Variants in RBFOX1 observed in about 807,000 individuals in gnomAD.
RBFOX1 encodes the protein RNA binding fox-1 homolog 1, also known as RNA binding protein fox-1 homolog 1.
Under a neutral mutation model 57.7 loss-of-function variants are expected in RBFOX1, and 8 were observed. The observed-to-expected ratio is 0.14, with a 90% confidence interval of 0.08 to 0.25. The LOEUF (loss-of-function observed/expected upper bound fraction) is 0.25. Among genes scored for constraint, RBFOX1 ranks in the 10% least tolerant of loss-of-function variants. The probability of loss-of-function intolerance (pLI) is 1.00; values close to 1 mark genes in which losing one functional copy is unlikely to be tolerated. For missense variants in RBFOX1, 611 were observed against 548.5 expected, an observed-to-expected ratio of 1.11 and a Z score of -1.14; for synonymous variants, 326 against 222.4, an observed-to-expected ratio of 1.47 and a Z score of -4.15.
At chr16:6,375,228 A>C (rs2091009080) in intron 2 of RBFOX1, among the ~76,000 whole-genome samples, 1 of 152,126 alleles carries the variant, frequency 6.6e-6, no homozygotes. Context: ...TGGCTTTCAT[A>C]GGGAATTCTC....
chr16:7,211,621 G>A (rs1012465933), intron 4 of RBFOX1, among the ~76,000 whole-genome samples: 1 of 152,132 alleles, frequency 6.6e-6, no homozygotes, highest in Non-Finnish European at 1.5e-5. Context: ...GGCACACCTA[G>A]TAAGCAAGGG....
intron 4 of RBFOX1, among the ~76,000 whole-genome samples, chr16:7,373,672 T>G (rs1485442649): frequency 6.6e-6 from 1 of 151,840 alleles, no homozygotes; most frequent in Non-Finnish European, 1.5e-5. Flanking sequence ...GTCTGACCTG[T>G]GTTGGCAGCA....
intron 2 of RBFOX1, among the ~76,000 whole-genome samples, chr16:6,618,124 G>A (rs1458323579): frequency 4.6e-5 from 7 of 152,178 alleles, no homozygotes; most frequent in African/African-American, 7.2e-5. Context: ...TATCCTAACC[G>A]TCAGTGCTCC....
chr16:6,568,270 G>A (rs981218626), intron 2 of RBFOX1, among the ~76,000 whole-genome samples: 2 of 152,100 alleles, frequency 1.3e-5, no homozygotes, highest in Admixed American at 6.6e-5. Context: ...CATCAGCTGG[G>A]GCAGCCGTCA....
At position 6,234,861 on chromosome 16, in the gene RBFOX1, A is replaced by G. The variant is rs562456648; in HGVS notation, c.-126-82134A>G. 2.0e-5 allele frequency among the ~76,000 whole-genome samples: 3 copies of G among 152,272 alleles called. 1 individual carries two copies. The South Asian group carries it at 6.2e-4, about 32-fold the overall frequency. On this transcript the variant is annotated intron_variant, in intron 1 of 15. Transcript: ENST00000550418. ...GGCACACATGCAGTGAAATGTGAAC[A>G]AGGTCTGTAGATTGCACTAGTATCG...
intron 3 of RBFOX1, among the ~76,000 whole-genome samples, chr16:5,653,817 C>G (rs1279909976): frequency 6.6e-6 from 1 of 152,186 alleles, no homozygotes; most frequent in Non-Finnish European, 1.5e-5. Context: ...TATGTGCCCT[C>G]TTAGAATGGA....
chr16:7,121,327 T>G (rs995033523), intron 4 of RBFOX1, among the ~76,000 whole-genome samples: 11 of 152,080 alleles, frequency 7.2e-5, no homozygotes, highest in Non-Finnish European at 1.3e-4. Flanking sequence ...AAGGGCATCT[T>G]TAATCACAGA....
chr16:6,299,402 G>C (rs555323527), intron 1 of RBFOX1, among the ~76,000 whole-genome samples: 1 of 152,296 alleles, frequency 6.6e-6, no homozygotes, highest in Admixed American at 6.5e-5. Context: ...GTTTTGAGAT[G>C]AGTGGCAGTA....
intron 3 of RBFOX1, among the ~76,000 whole-genome samples, chr16:5,757,588 G>A (rs1285516269): frequency 2.6e-5 from 4 of 152,110 alleles, no homozygotes; most frequent in Non-Finnish European, 5.9e-5. Flanking sequence ...CTGATAGGGT[G>A]TTGGTTATAA....
chr16:5,404,899 T>C (rs1300341171), intron 1 of RBFOX1, among the ~76,000 whole-genome samples: 1 of 152,240 alleles, frequency 6.6e-6, no homozygotes, highest in African/African-American at 2.4e-5. Flanking sequence ...CAGCTTGGTC[T>C]TCAGGATCAG....
intron 1 of RBFOX1, among the ~76,000 whole-genome samples, chr16:6,049,134 C>A (rs2095525821): frequency 6.7e-6 from 1 of 148,224 alleles, no homozygotes; most frequent in African/African-American, 2.5e-5. Flanking sequence ...ATGATCTCAG[C>A]TCACTGCAAC....
At chr16:6,543,015 C>A (rs1342565856) in intron 2 of RBFOX1, among the ~76,000 whole-genome samples, 1 of 152,106 alleles carries the variant, frequency 6.6e-6, no homozygotes, top group Non-Finnish European at 1.5e-5. Context: ...TCTCACTCTC[C>A]CTCCCCAGGG....
chr16:7,372,398 A>G (rs1310769790), intron 4 of RBFOX1, among the ~76,000 whole-genome samples: 5 of 152,216 alleles, frequency 3.3e-5, no homozygotes, highest in African/African-American at 9.6e-5. Context: ...TGGTAATAGG[A>G]TTTTGCTTGA....
chr16:6,259,274 C>A lies in RBFOX1; in HGVS notation c.-126-57721C>A, dbSNP rs111793463. Among the ~76,000 whole-genome samples the A allele has an allele frequency of 1.3e-3, 195 of 152,232 alleles. 1 individual carries two copies. The highest frequency in any genetic ancestry group is 4.1e-3 in the African/African-American group (170 of 41,556). On this transcript the variant is annotated intron_variant, in intron 1 of 15. Coordinates refer to ENST00000550418, the MANE Select transcript of RBFOX1 (RefSeq NM_018723.4). ...ATTATTCCTTTACTTTTGCTTGTTT[C>A]ATTTGCCACATGCTTTGCTGGAGGT...
intron 4 of RBFOX1, among the ~76,000 whole-genome samples, chr16:7,438,921 C>T (rs1298295343): frequency 3.3e-5 from 5 of 152,090 alleles, no homozygotes; most frequent in Admixed American, 3.3e-4. Flanking sequence ...TTGATGTGTC[C>T]CTGGGAATAA....
chr16:7,354,062 C>T (rs952090298), intron 4 of RBFOX1, among the ~76,000 whole-genome samples: 2 of 152,154 alleles, frequency 1.3e-5, no homozygotes, highest in African/African-American at 2.4e-5. Context: ...ACCTCTACCT[C>T]CCAGGTTCAA....
intron 2 of RBFOX1, among the ~76,000 whole-genome samples, chr16:6,508,848 G>A (rs2096181971): frequency 6.8e-6 from 1 of 148,008 alleles, no homozygotes; most frequent in Non-Finnish European, 1.5e-5. Context: ...GCTTACTTTT[G>A]CACCAACCTA....
chr16:6,878,205 C>G (rs17235237), intron 3 of RBFOX1, among the ~76,000 whole-genome samples: 37,711 of 152,040 alleles, frequency 0.25, 4,856 homozygotes, highest in African/African-American at 0.31. Flanking sequence ...GGTCACCATG[C>G]AGGCTCATCA....
chr16:7,704,037 C>CCTTGAGTTAG (rs1331573049), intron 14 of RBFOX1, among the ~76,000 whole-genome samples: 1 of 152,148 alleles, frequency 6.6e-6, no homozygotes, highest in African/African-American at 2.4e-5. Flanking sequence ...CTTGAATGCA[C>CCTTGAGTTAG]CTTGAGTTAG....
Sources: gnomAD v4.1 joint callset for allele counts (sites outside exome capture counted in the v4.1 genomes callset) on GRCh38, gnomAD v4.1.1 for gene constraint, MANE v1.5 for transcripts, NCBI Gene and HGNC (gene_info 2026-07-23, HGNC 2026-07-21) for gene names.